TAOK3: variants seen among roughly 807,000 people sequenced by gnomAD.
The protein encoded by TAOK3 is serine/threonine-protein kinase TAO3.
A neutral mutation model predicts 120.4 loss-of-function variants in TAOK3; 40 were observed. The observed-to-expected ratio is 0.33, with a 90% CI of 0.26 to 0.43. TAOK3 has a LOEUF of 0.43. Ranked by LOEUF, TAOK3 falls within the 20% of genes least tolerant of loss-of-function variation. The pLI is 1.00. For synonymous variants in TAOK3, 355 were observed against 387.5 expected (o/e 0.92, Z 0.99); for missense variants, 821 against 1,112.1 (o/e 0.74, Z 3.72).
intron 1 of TAOK3, among the ~76,000 whole-genome samples, chr12:118,302,924 G>A (rs1593468993): frequency 6.6e-6 from 1 of 152,150 alleles, no homozygotes; most frequent in East Asian, 1.9e-4. Context: ...GAAGATGAGT[G>A]GAACCGTGCA....
At chr12:118,315,477 T>A (rs2043424155) in intron 1 of TAOK3, among the ~76,000 whole-genome samples, 2 of 152,072 alleles carry the variant, frequency 1.3e-5, no homozygotes, top group Non-Finnish European at 2.9e-5. Context: ...GTAGCACACA[T>A]AAATAAGAGT....
At chr12:118,277,805 A>G (rs756533310) in intron 1 of TAOK3, among the ~76,000 whole-genome samples, 5 of 152,078 alleles carry the variant, frequency 3.3e-5, no homozygotes, top group Non-Finnish European at 5.9e-5. Context: ...AAAACATAAC[A>G]TTAAAAAAGT....
chr12:118,324,808 G>A lies in TAOK3; in HGVS notation c.-194+47840C>T, dbSNP rs1439145352. Among the ~76,000 whole-genome samples the A allele has an allele frequency of 3.7e-5, 5 of 135,264 alleles. No homozygotes were observed. The East Asian group carries it at 6.8e-4, about 18-fold the overall frequency. 88.7% of individuals were successfully genotyped at this position (135,264 alleles called of 152,430 possible). On this transcript the variant is annotated intron_variant, in intron 1 of 20. Coordinates refer to ENST00000392533, the MANE Select transcript of TAOK3 (RefSeq NM_016281.4). ...CACCCAGGCTGGAGTGCAGTGGCGC[G>A]ATCTCGGCTCACTGCAATTTCTGCC...
At chr12:118,349,487 T>C (rs963797551) in intron 1 of TAOK3, among the ~76,000 whole-genome samples, 1 of 152,222 alleles carries the variant, frequency 6.6e-6, no homozygotes, top group East Asian at 1.9e-4. Context: ...TTATGCTAAG[T>C]GAAGATGTCA....
chr12:118,257,033 C>G (rs1039467401), intron 2 of TAOK3, among the ~76,000 whole-genome samples: 2 of 152,144 alleles, frequency 1.3e-5, no homozygotes, highest in Admixed American at 6.6e-5. Context: ...TATATTATCT[C>G]CTTTAATCCC....
intron 1 of TAOK3, among the ~76,000 whole-genome samples, chr12:118,303,574 T>C (rs866947899): frequency 6.6e-6 from 1 of 152,244 alleles, no homozygotes; most frequent in Non-Finnish European, 1.5e-5. Context: ...TTCTAAGAAT[T>C]GGTTTCTCTC....
chr12:118,233,995 A>G (rs1306241881), intron 8 of TAOK3, among the ~76,000 whole-genome samples: 1 of 152,028 alleles, frequency 6.6e-6, no homozygotes, highest in Non-Finnish European at 1.5e-5. Flanking sequence ...ACCCCTTACT[A>G]TCAGTTTGAT....
Position 118,371,045 on chromosome 12 carries a change from C to CT in TAOK3, c.-194+1602_-194+1603insA, listed in dbSNP as rs1281658006. Among the ~76,000 whole-genome samples, 6 of 152,326 alleles carry CT rather than the reference C, an allele frequency of 3.9e-5. 1 individual carries two copies. In the South Asian group the frequency reaches 8.3e-4, roughly 21 times the overall value. On this transcript the variant is annotated intron_variant, in intron 1 of 20. Coordinates refer to ENST00000392533, the MANE Select transcript of TAOK3 (RefSeq NM_016281.4). The surrounding 1 kb of genome is among the most constrained non-coding windows in gnomAD (Gnocchi z 5.5). ...CTATCTCCAACAGATCAAAGTTAAA[C>CT]AGTCCAGATTCCAAACCTAGTATAG... is the stretch of plus-strand genomic sequence containing the variant.
At chr12:118,244,410 T>G (rs1284338782) in intron 4 of TAOK3, among the ~76,000 whole-genome samples, 1 of 152,044 alleles carries the variant, frequency 6.6e-6, no homozygotes, top group East Asian at 1.9e-4. Context: ...TAAAAATAAT[T>G]ATGAATGTTC....
At chr12:118,178,857 T>C (rs932875983) in intron 15 of TAOK3, among the ~76,000 whole-genome samples, 1 of 152,236 alleles carries the variant, frequency 6.6e-6, no homozygotes, top group Admixed American at 6.5e-5. Flanking sequence ...CAATAAATAC[T>C]GGCTCCTGAA....
intron 1 of TAOK3, among the ~76,000 whole-genome samples, chr12:118,322,541 A>G (rs2043755838): frequency 6.6e-6 from 1 of 151,896 alleles, no homozygotes; most frequent in Non-Finnish European, 1.5e-5. Context: ...CTCTGATATA[A>G]CTATTCAACT....
intron 1 of TAOK3, among the ~76,000 whole-genome samples, chr12:118,340,229 A>G (rs2044556881): frequency 6.6e-6 from 1 of 152,218 alleles, no homozygotes; most frequent in Non-Finnish European, 1.5e-5. Context: ...AATGTTAACT[A>G]TAATGTAACA....
chr12:118,260,204 T>C (rs1044146280), intron 2 of TAOK3, among the ~76,000 whole-genome samples: 1 of 152,102 alleles, frequency 6.6e-6, no homozygotes, highest in Non-Finnish European at 1.5e-5. Flanking sequence ...TCATGGCTCA[T>C]TGCAGCCTCA....
chr12:118,242,858 CCAAA>C (rs56963963), intron 5 of TAOK3, among the ~76,000 whole-genome samples: 20 of 150,702 alleles, frequency 1.3e-4, no homozygotes, highest in East Asian at 7.7e-4. Flanking sequence ...GAATCTGTCT[CCAAA>C]CAAACAAACA....
intron 14 of TAOK3, among the ~76,000 whole-genome samples, chr12:118,183,232 G>A (rs1039728117): frequency 1.3e-5 from 2 of 152,130 alleles, no homozygotes; most frequent in African/African-American, 4.8e-5. Context: ...ATACAAAGAA[G>A]AGTTTGTTTC....
rs537558158 is a variant in TAOK3, at chr12:118,356,815, G to A, written c.-194+15833C>T. On this transcript the variant is annotated intron_variant, in intron 1 of 20. Coordinates refer to ENST00000392533, the MANE Select transcript of TAOK3 (RefSeq NM_016281.4). ...CACATGCCTGTAGTCTCGGCTACTGGGGAGGCTGAGGCAGGAGGATCACTT... is the reference window on the plus strand; with the variant it reads ...CACATGCCTGTAGTCTCGGCTACTGAGGAGGCTGAGGCAGGAGGATCACTT... Among the ~76,000 whole-genome samples, 3 of 152,228 alleles carry A rather than the reference G, an allele frequency of 2.0e-5. No individual in the cohort carries two copies. In the South Asian group the frequency reaches 6.2e-4, roughly 32 times the overall value.
intron 13 of TAOK3, among the ~76,000 whole-genome samples, chr12:118,197,328 C>A (rs1163587320): frequency 6.6e-5 from 10 of 152,112 alleles, no homozygotes; most frequent in Admixed American, 6.5e-4. Context: ...ATGCAATTAT[C>A]TTCTACTTCA....
At chr12:118,239,135 A>G (rs16948197) in intron 6 of TAOK3, 92 bp downstream of exon 6, 103,788 of 828,600 alleles carry the variant, frequency 0.13, 7,082 homozygotes, top group Non-Finnish European at 0.14. Context: ...CCATCATTCA[A>G]TTAGACTGCC....
At chr12:118,248,027 G>T (rs1467938882) in intron 3 of TAOK3, among the ~76,000 whole-genome samples, 1 of 151,966 alleles carries the variant, frequency 6.6e-6, no homozygotes, top group Admixed American at 6.6e-5. Flanking sequence ...ATAAAGTCAG[G>T]TTAACAATTT....
Sources: gnomAD v4.1 joint callset for allele counts (sites outside exome capture counted in the v4.1 genomes callset) on GRCh38, gnomAD v4.1.1 for gene constraint, Gnocchi (gnomAD v3.1) non-coding constraint, MANE v1.5 for transcripts, NCBI Gene and HGNC (gene_info 2026-07-23, HGNC 2026-07-21) for gene names.